STMP1: variants seen among roughly 807,000 people sequenced by gnomAD.
STMP1 encodes the protein short transmembrane mitochondrial protein 1.
STMP1 carries 7 observed loss-of-function variants against 7.0 expected under a neutral mutation model. The ratio of observed to expected loss-of-function variants is 1.01; its 90% CI spans 0.57 to 1.89. The LOEUF (loss-of-function observed/expected upper bound fraction) is 1.89, where lower values mean the gene tolerates loss of function less well. Among genes scored for constraint, STMP1 ranks in the 40% most tolerant of loss-of-function variants. The probability of loss-of-function intolerance (pLI) is 0.00; values close to 1 mark genes in which losing one functional copy is unlikely to be tolerated. For missense variants in STMP1, 45 were observed against 53.0 expected, an observed-to-expected ratio of 0.85 and a Z score of 0.47; for synonymous variants, 19 against 18.4, an observed-to-expected ratio of 1.03 and a Z score of -0.08.
intron 1 of STMP1, among the ~76,000 whole-genome samples, chr7:135,664,831 CTT>C (rs1244441589): frequency 6.6e-6 from 1 of 152,080 alleles, no homozygotes; most frequent in Admixed American, 6.6e-5. Flanking sequence ...AAGTATTTCT[CTT>C]TGTGTGCAGT....
Position 135,666,910 on chromosome 7 carries a change from G to T in STMP1, c.15+4316G>T, listed in dbSNP as rs927887124. Among the ~76,000 whole-genome samples, 4 of 151,840 alleles carry T rather than the reference G, an allele frequency of 2.6e-5. No homozygotes were observed. The East Asian group carries it at 7.7e-4, about 29-fold the overall frequency. ...TAAAGTGGGATTGCTGCATTATGTG[G>T]TATCTTTATGCTCAACTTTTTGAGG... is the stretch of plus-strand genomic sequence containing the variant. On this transcript the variant is annotated intron_variant, in intron 1 of 2. Coordinates refer to ENST00000507606, the MANE Select transcript of STMP1 (RefSeq NM_001130929.2).
chr7:135,668,939 G>A (rs1012460762), intron 1 of STMP1, among the ~76,000 whole-genome samples: 5 of 152,154 alleles, frequency 3.3e-5, no homozygotes, highest in Non-Finnish European at 7.3e-5. Context: ...CCGAGACTGG[G>A]TAATTTACAT....
intron 1 of STMP1, among the ~76,000 whole-genome samples, chr7:135,667,401 G>A (rs1411380829): frequency 2.6e-5 from 4 of 151,972 alleles, no homozygotes; most frequent in Admixed American, 6.6e-5. Context: ...TAGTAGAGGC[G>A]GGGTTTCACC....
intron 1 of STMP1, among the ~76,000 whole-genome samples, chr7:135,672,089 C>G (rs575260765): frequency 6.6e-5 from 10 of 152,324 alleles, no homozygotes; most frequent in Admixed American, 3.3e-4. Context: ...AAGTGATTCT[C>G]CTGCCTCAGC....
intron 2 of STMP1, 65 bp from the exon 3 acceptor site, chr7:135,674,025 GA>G: frequency 3.1e-6 from 3 of 963,576 alleles, no homozygotes; most frequent in Non-Finnish European, 4.7e-6. Flanking sequence ...ATCTTTGGAG[GA>G]AGAGAAGTAC....
chr7:135,672,209 AC>A (rs1262992781), intron 1 of STMP1, among the ~76,000 whole-genome samples: 1 of 152,158 alleles, frequency 6.6e-6, no homozygotes, highest in African/African-American at 2.4e-5. Flanking sequence ...GAAACTCCTG[AC>A]CTCAAGTGAT....
intron 1 of STMP1, among the ~76,000 whole-genome samples, chr7:135,666,955 A>G (rs1406726112): frequency 2.0e-5 from 3 of 152,114 alleles, no homozygotes; most frequent in African/African-American, 7.3e-5. Context: ...ACTGTTTTCC[A>G]GAGTAGCTGC....
rs561043074 is a variant in STMP1 at position 135,675,538 on chromosome 7, C to T, written c.*1373C>T. The T allele has an allele frequency of 2.6e-5, 4 of 152,226 alleles. No homozygotes were observed. The East Asian group carries it at 7.7e-4, about 29-fold the overall frequency. 9.4% of individuals were successfully genotyped at this position (152,226 alleles called of 1,614,324 possible). ...TCTTTTGCTATTACAGTGATAACTT[C>T]AATCCTAATGTTATTAAGCATATCG... On this transcript the variant is annotated 3_prime_UTR_variant, in exon 3 of 3. Coordinates refer to ENST00000507606, the MANE Select transcript of STMP1 (RefSeq NM_001130929.2).
intron 1 of STMP1, among the ~76,000 whole-genome samples, chr7:135,668,097 C>G (rs909413698): frequency 2.6e-5 from 4 of 152,150 alleles, no homozygotes; most frequent in Admixed American, 2.6e-4. Context: ...CCTTGGCACT[C>G]TTGTTGAAAA....
Position 135,672,831 on chromosome 7 carries a change from C to T in STMP1, c.69+25C>T, listed in dbSNP as rs764476932. 1.2e-4 allele frequency: 179 copies of T among 1,537,732 alleles called. No individual in the cohort carries two copies. The Middle Eastern group carries it at 1.3e-3, about 11-fold the overall frequency. On this transcript the variant is annotated intron_variant, in intron 2 of 2. Coordinates refer to ENST00000507606, the MANE Select transcript of STMP1 (RefSeq NM_001130929.2). ...TGTAAGTGGCCATATCCATGACTTC[C>T]TTGATTCCATGTAACTGTTTTAGAG...
At chr7:135,669,471 C>A (rs1020432493) in intron 1 of STMP1, among the ~76,000 whole-genome samples, 3 of 152,204 alleles carry the variant, frequency 2.0e-5, no homozygotes, top group Non-Finnish European at 4.4e-5. Flanking sequence ...TCCTATTCAT[C>A]ATATAAGTTC....
intron 1 of STMP1, among the ~76,000 whole-genome samples, chr7:135,666,118 A>C (rs1280564897): frequency 6.6e-6 from 1 of 152,008 alleles, no homozygotes; most frequent in East Asian, 1.9e-4. Context: ...TTTTTAGTAG[A>C]GATGGGGTTT....
At chr7:135,668,820 C>T (rs1434962103) in intron 1 of STMP1, among the ~76,000 whole-genome samples, 3 of 152,210 alleles carry the variant, frequency 2.0e-5, no homozygotes, top group Non-Finnish European at 1.5e-5. Flanking sequence ...TTATGCCAGT[C>T]ATCACATGTC....
At chr7:135,664,063 GCTAAGACAGGGCT>G (rs1287058433) in intron 1 of STMP1, among the ~76,000 whole-genome samples, 1 of 143,582 alleles carries the variant, frequency 7.0e-6, no homozygotes, top group Non-Finnish European at 1.6e-5. Flanking sequence ...AATCTGCCCA[GCTAAGACAGGGCT>G]GCTCCTTTGC....
rs146045729 is a variant in STMP1 at position 135,665,419 on chromosome 7, C to T, written c.15+2825C>T. Among the ~76,000 whole-genome samples, 259 of 152,092 alleles carry T rather than the reference C, an allele frequency of 1.7e-3. 1 individual carries two copies. Among genetic ancestry groups the T allele is most frequent in the African/African-American group, 6.0e-3 (249 of 41,490 alleles). ...AAGAGACCTTGTTCCTGTGATTTTC[C>T]CCTTTTCTTTTACTGCAGTTTTTCC... is the stretch of plus-strand genomic sequence containing the variant. On this transcript the variant is annotated intron_variant, in intron 1 of 2. Coordinates refer to ENST00000507606, the MANE Select transcript of STMP1 (RefSeq NM_001130929.2).
intron 1 of STMP1, among the ~76,000 whole-genome samples, chr7:135,664,723 C>T (rs879331799): frequency 2.6e-5 from 4 of 152,056 alleles, no homozygotes; most frequent in Non-Finnish European, 5.9e-5. Flanking sequence ...ACCCTCTGGT[C>T]TTCCACCTCA....
intron 1 of STMP1, among the ~76,000 whole-genome samples, chr7:135,666,660 A>T (rs112067832): frequency 0.033 from 4,976 of 152,210 alleles, 121 homozygotes; most frequent in Middle Eastern, 0.078. Context: ...TTACACTATT[A>T]TGATCCATTT....
chr7:135,670,749 G>A (rs1795348592), intron 1 of STMP1, among the ~76,000 whole-genome samples: 1 of 150,480 alleles, frequency 6.6e-6, no homozygotes, highest in South Asian at 2.1e-4. Flanking sequence ...TGGCAAAGTT[G>A]CCAAAATGAA....
Position 135,662,521 on chromosome 7 carries a change from G to C in STMP1, c.-59G>C. 1.3e-6 allele frequency: 2 copies of C among 1,530,774 alleles called. No individual in the cohort carries two copies. The highest frequency in any genetic ancestry group is 1.8e-6 in the Non-Finnish European group (2 of 1,137,278). 94.8% of individuals were successfully genotyped at this position (1,530,774 alleles called of 1,614,324 possible). On this transcript the variant is annotated 5_prime_UTR_variant, in exon 1 of 3. Transcript: ENST00000507606. ...CCCCGCGCATGGGGAGGTAGGCTCG[G>C]ACCGGCCCGCGGAGCTGCTGCAGTC...
Sources: allele counts gnomAD v4.1 joint callset (sites outside exome capture counted in the v4.1 genomes callset), GRCh38; gene constraint gnomAD v4.1.1; transcripts MANE v1.5; gene names NCBI Gene and HGNC (gene_info 2026-07-23, HGNC 2026-07-21).